Variants in VWF observed in about 807,000 individuals in gnomAD.
The protein encoded by VWF is von Willebrand factor, also known as Factor VIII related antigen.
Under a neutral mutation model 308.6 loss-of-function variants are expected in VWF, and 176 were observed. The ratio of observed to expected loss-of-function variants is 0.57; its 90% confidence interval spans 0.50 to 0.65. The LOEUF is 0.65. Among genes scored for constraint, VWF ranks in the 30% least tolerant of loss-of-function variants. VWF has a pLI of 0.00. For synonymous variants in VWF, 1,385 were observed against 1,443.4 expected (o/e 0.96, Z 0.92); for missense variants, 3,146 against 3,648.2 (o/e 0.86, Z 3.55).
At chr12:6,101,118 A>C (rs1374920234) in intron 5 of VWF, among the ~76,000 whole-genome samples, 3 of 152,138 alleles carry the variant, frequency 2.0e-5, no homozygotes, top group Non-Finnish European at 4.4e-5. Flanking sequence ...ATGAACAGAA[A>C]CCTCTATTGA....
At chr12:6,009,213 T>C (rs1943964903) in intron 34 of VWF, among the ~76,000 whole-genome samples, 1 of 146,412 alleles carries the variant, frequency 6.8e-6, no homozygotes, top group African/African-American at 2.5e-5. Flanking sequence ...ATCCAAAATA[T>C]ATTAGGAACT....
At chr12:6,111,043 T>G in intron 3 of VWF, 75 bp from the exon 4 acceptor site, 1 of 1,367,360 alleles carries the variant, frequency 7.3e-7, no homozygotes, top group Non-Finnish European at 1.0e-6. Flanking sequence ...AGAATCATTA[T>G]CTACGTAACC....
At chr12:6,111,635 G>A (rs1180285118) in intron 3 of VWF, among the ~76,000 whole-genome samples, 3 of 152,242 alleles carry the variant, frequency 2.0e-5, no homozygotes, top group East Asian at 1.9e-4. Flanking sequence ...GAGCCACCCC[G>A]CTCTGGCCTA....
intron 5 of VWF, among the ~76,000 whole-genome samples, chr12:6,103,577 CACACACAG>C (rs1945208786): frequency 7.1e-6 from 1 of 141,434 alleles, no homozygotes; most frequent in Non-Finnish European, 1.5e-5. Context: ...CACACACACA[CACACACAG>C]ATCAATGGAA....
rs1176742312 is a variant in VWF, at chr12:5,953,531, T to C, written c.7951A>G (p.Ile2651Val). The C allele has an allele frequency of 3.1e-6, 5 of 1,614,190 alleles. No individual in the cohort carries two copies. The highest frequency in any genetic ancestry group is 1.7e-5 in the Admixed American group (1 of 60,032). The change falls in exon 48 of 52, where the codon ATT becomes GTT. Residue 2651 changes from isoleucine (I) to valine (V), a missense_variant. This residue lies in a region of VWF where 989 missense variants were observed against 1,117.4 expected (regional missense o/e 0.89). Coordinates refer to ENST00000261405, the MANE Select transcript of VWF (RefSeq NM_000552.5). ...CGRCLPTACT[I>V]QLRGGQIMTL... ...ATGATCTGTCCTCCTCTTAGCTGAA[T>C]GGTGCAAGCCGTAGGCAAACATCTC...
At chr12:5,991,201 ACACACG>A (rs760569640) in intron 38 of VWF, among the ~76,000 whole-genome samples, 5,679 of 138,232 alleles carry the variant, frequency 0.041, 125 homozygotes, top group South Asian at 0.059. Context: ...ACACACACAC[ACACACG>A]CATGCACACA....
intron 47 of VWF, among the ~76,000 whole-genome samples, chr12:5,964,879 G>A (rs776969228): frequency 3.3e-5 from 5 of 152,084 alleles, no homozygotes; most frequent in African/African-American, 9.7e-5. Flanking sequence ...ATAAGCCGAA[G>A]GGGGCAACAG....
rs1376672930 is a variant in VWF, at chr12:5,981,744, AG to A, written c.7287+41del. The A allele has an allele frequency of 5.0e-6, 8 of 1,594,182 alleles. No homozygotes were observed. The South Asian group carries it at 8.8e-5, about 18-fold the overall frequency. On this transcript the variant is annotated intron_variant, in intron 42 of 51. Transcript: ENST00000261405. ...ATAAACTGACAGCAATAAATAAATG[AG>A]TAAACTATTAACTGATAGTTAATAG...
intron 14 of VWF, 140 bp downstream of exon 14, chr12:6,057,709 G>A (rs1944602937): frequency 9.9e-7 from 1 of 1,009,594 alleles, no homozygotes; most frequent in Non-Finnish European, 1.4e-6. Flanking sequence ...AAGTGCTGAC[G>A]GTAAAAACAA....
chr12:6,057,760 G>C, intron 14 of VWF, 89 bp downstream of exon 14: 2 of 1,449,382 alleles, frequency 1.4e-6, no homozygotes, highest in Non-Finnish European at 9.2e-7. Flanking sequence ...CGCCCTCCGC[G>C]GTGGGAGCAC....
intron 47 of VWF, among the ~76,000 whole-genome samples, chr12:5,959,728 A>AT (rs1394387848): frequency 1.2e-4 from 19 of 152,084 alleles, no homozygotes; most frequent in Admixed American, 2.6e-4. Context: ...ACACCACCAT[A>AT]TTTGGAAATT....
intron 38 of VWF, among the ~76,000 whole-genome samples, chr12:5,991,170 C>T (rs1943737467): frequency 2.0e-5 from 1 of 49,554 alleles, no homozygotes; most frequent in Non-Finnish European, 4.5e-5. Flanking sequence ...GGGATTCTCA[C>T]ACACACACAC....
At chr12:6,119,474 C>T (rs1945407034) in intron 3 of VWF, among the ~76,000 whole-genome samples, 1 of 152,136 alleles carries the variant, frequency 6.6e-6, no homozygotes, top group Non-Finnish European at 1.5e-5. Context: ...TCATGCTGTC[C>T]CCACCACATG....
chr12:6,008,832 A>T (rs540626032), intron 34 of VWF, among the ~76,000 whole-genome samples: 6 of 152,338 alleles, frequency 3.9e-5, no homozygotes, highest in Non-Finnish European at 7.4e-5. Flanking sequence ...TGCAGAATAC[A>T]AAATCAACAT....
rs749995829 is a variant in VWF, at chr12:5,993,974, G to A, written c.6486C>T (p.Ile2162=). The part of the protein sequence containing the change: ...KVLAPATFYA[I]CQQDSCHQEQ... ...CCTGGTGGCAACTGTCCTGCTGGCAGATGGCATAGAATGTGGCTGGAGCCA... is the reference window on the plus strand; with the variant it reads ...CCTGGTGGCAACTGTCCTGCTGGCAAATGGCATAGAATGTGGCTGGAGCCA... Residue 2162 remains isoleucine (I), a synonymous_variant, in exon 37 of 52, where the codon ATC becomes ATT. Transcript: ENST00000261405. The A allele has an allele frequency of 1.2e-6, 2 of 1,614,162 alleles. No homozygotes were observed. The highest frequency in any genetic ancestry group is 2.2e-5 in the East Asian group (1 of 44,874).
At chr12:6,033,298 C>T (rs981004653) in intron 20 of VWF, among the ~76,000 whole-genome samples, 2 of 152,132 alleles carry the variant, frequency 1.3e-5, no homozygotes, top group South Asian at 2.1e-4. Flanking sequence ...GGCCCCAGGA[C>T]AATGCATCAG....
intron 6 of VWF, among the ~76,000 whole-genome samples, chr12:6,079,054 T>C (rs562015009): frequency 6.6e-6 from 1 of 152,208 alleles, no homozygotes; most frequent in South Asian, 2.1e-4. Context: ...CTGCCTAGGG[T>C]TTCTTTCTTA....
chr12:6,071,593 A>T (rs1224944132), intron 9 of VWF, among the ~76,000 whole-genome samples: 1 of 152,152 alleles, frequency 6.6e-6, no homozygotes, highest in Non-Finnish European at 1.5e-5. Flanking sequence ...AAAAAAAACT[A>T]CCTGATCCCC....
intron 42 of VWF, among the ~76,000 whole-genome samples, chr12:5,980,189 A>AC (rs1943588325): frequency 5.4e-5 from 2 of 36,852 alleles, no homozygotes; most frequent in Non-Finnish European, 6.2e-5. Context: ...GAGGGAGGGA[A>AC]GGAAGGAAGT....
Sources: gnomAD v4.1 joint callset for allele counts (sites outside exome capture counted in the v4.1 genomes callset) on GRCh38, gnomAD v4.1.1 for gene constraint, gnomAD v4.1.1 regional missense constraint, MANE v1.5 for transcripts, NCBI Gene and HGNC (gene_info 2026-07-23, HGNC 2026-07-21) for gene names.